The following ZNF567 variants were observed in gnomAD, a reference collection of about 807,000 sequenced individuals.
ZNF567 encodes the protein zinc finger protein 567.
ZNF567 carries 36 observed loss-of-function variants against 53.9 expected under a neutral mutation model. The ratio of observed to expected loss-of-function variants is 0.67; its 90% CI spans 0.51 to 0.88. ZNF567 has a LOEUF of 0.88. Ranked by LOEUF, ZNF567 falls within the 40% of genes least tolerant of loss-of-function variation. The pLI is 0.00. For missense variants in ZNF567, 619 were observed against 764.7 expected, an observed-to-expected ratio of 0.81 and a Z score of 2.25; for synonymous variants, 224 against 260.4, an observed-to-expected ratio of 0.86 and a Z score of 1.35.
At chr19:36,680,287 A>C in the ZNF567 span, among the ~76,000 whole-genome samples, 1 of 152,206 alleles carries the variant, frequency 6.6e-6, no homozygotes, top group African/African-American at 2.4e-5. Flanking sequence ...CTGAGTATTA[A>C]AAAACAGAAT....
intron 1 of ZNF567, among the ~76,000 whole-genome samples, chr19:36,688,059 A>G (rs942735624): frequency 1.3e-5 from 2 of 151,954 alleles, no homozygotes; most frequent in African/African-American, 4.8e-5. Context: ...TATGAAAGTG[A>G]TAGGGTCCCT....
rs1173424920 is a variant in ZNF567 at position 36,720,287 on chromosome 19, T to C, written c.1563T>C (p.Asn521=). The part of the protein sequence containing the change: ...GKSFSQKTNL[N]LHQRIHTGEK... ...CATTCAGTCAAAAGACAAATCTCAA[T>C]CTACATCAGAGAATTCATACAGGGG... is the stretch of plus-strand genomic sequence containing the variant. The change falls in exon 6 of 6, where the codon AAT becomes AAC. Residue 521 remains asparagine, a synonymous_variant. Transcript: ENST00000682579. 6.2e-7 allele frequency: 1 copy of C among 1,613,908 alleles called. No individual in the cohort carries two copies. The highest frequency in any genetic ancestry group is 1.7e-5 in the Admixed American group (1 of 59,974).
upstream of ZNF567, chr19:36,687,599 A>C (rs780955065): frequency 6.6e-6 from 1 of 152,360 alleles, no homozygotes; most frequent in Non-Finnish European, 1.5e-5. Context: ...TCCGCGTGGG[A>C]GTGCGCATGC....
intron 3 of ZNF567, among the ~76,000 whole-genome samples, chr19:36,697,918 CTTTTTT>C (rs71171464): frequency 7.4e-6 from 1 of 135,746 alleles, no homozygotes; most frequent in Non-Finnish European, 1.6e-5. Context: ...GCTGGAATTT[CTTTTTT>C]TTTTTTTTTT....
At position 36,719,191 on chromosome 19, in the gene ZNF567, G is replaced by A; in HGVS notation, c.467G>A (p.Arg156Lys). 3.1e-6 allele frequency: 5 copies of A among 1,613,478 alleles called. No homozygotes were observed. The highest frequency in any genetic ancestry group is 4.2e-6 in the Non-Finnish European group (5 of 1,179,854). ...ELIISNLNPA[R>K]KRLSEYNGYG... ...ATCATCAGTAATCTAAATCCTGCAA[G>A]AAAGAGACTTAGTGAGTATAATGGA... The change falls in exon 6 of 6, where the codon AGA (arginine) becomes AAA (lysine). Residue 156 changes from arginine (R) to lysine (K), a missense_variant. By Grantham distance (26) the Arg-to-Lys change is conservative. Coordinates refer to ENST00000682579, the MANE Select transcript of ZNF567 (RefSeq NM_001322917.1).
upstream of ZNF567, among the ~76,000 whole-genome samples, chr19:36,684,721 G>T (rs3108557): frequency 2.0e-5 from 3 of 152,142 alleles, no homozygotes; most frequent in Non-Finnish European, 2.9e-5. Context: ...CATAGGCAAA[G>T]AAATGGAATT....
intron 3 of ZNF567, among the ~76,000 whole-genome samples, chr19:36,697,409 A>T (rs1460751358): frequency 1.3e-5 from 2 of 151,838 alleles, no homozygotes; most frequent in Non-Finnish European, 2.9e-5. Flanking sequence ...CAATCCTGTC[A>T]TATGTGAATA....
At chr19:36,709,887 T>C (rs1486686916) in intron 3 of ZNF567, among the ~76,000 whole-genome samples, 2 of 152,234 alleles carry the variant, frequency 1.3e-5, no homozygotes, top group Non-Finnish European at 2.9e-5. Flanking sequence ...CTTGGCTGTG[T>C]AGCAGTTTAA....
chr19:36,706,464 T>G (rs1307218960), intron 3 of ZNF567, among the ~76,000 whole-genome samples: 1 of 152,030 alleles, frequency 6.6e-6, no homozygotes, highest in African/African-American at 2.4e-5. Flanking sequence ...CAGCTAATTT[T>G]TCTGTTTTTT....
chr19:36,703,152 C>A (rs1295851427), intron 3 of ZNF567, among the ~76,000 whole-genome samples: 1 of 152,062 alleles, frequency 6.6e-6, no homozygotes, highest in Non-Finnish European at 1.5e-5. Context: ...CAGACAGGAC[C>A]CTCAGCTGCA....
chr19:36,727,010 C>CTTTCTTTCGTTCTTTCTTTCCTTTT (rs1555809300), downstream of ZNF567: 1 of 123,888 alleles, frequency 8.1e-6, no homozygotes, highest in African/African-American at 3.1e-5. Flanking sequence ...TTCTTTCTTT[C>CTTTCTTTCGTTCTTTCTTTCCTTTT]CTTTTTTTTT....
At chr19:36,669,594 C>A in the ZNF567 span, among the ~76,000 whole-genome samples, 6 of 152,092 alleles carry the variant, frequency 3.9e-5, no homozygotes, top group African/African-American at 1.4e-4. Context: ...AAAAAGCAGT[C>A]CGATGTAACC....
At chr19:36,725,471 G>A (rs1158980124), downstream of ZNF567, among the ~76,000 whole-genome samples, 1 of 152,156 alleles carries the variant, frequency 6.6e-6, no homozygotes, top group African/African-American at 2.4e-5. Flanking sequence ...CCAAAGTGCT[G>A]GGATCACAGG....
At chr19:36,702,344 G>A (rs2039240832) in intron 3 of ZNF567, among the ~76,000 whole-genome samples, 1 of 151,918 alleles carries the variant, frequency 6.6e-6, no homozygotes, top group African/African-American at 2.4e-5. Context: ...CTTTCTCTCT[G>A]GCTGCCCTTA....
At chr19:36,695,696 T>TAAA (rs35481709) in intron 3 of ZNF567, among the ~76,000 whole-genome samples, 2 of 144,912 alleles carry the variant, frequency 1.4e-5, no homozygotes, top group African/African-American at 5.1e-5. Flanking sequence ...CTCTCTTTAT[T>TAAA]AAAAAAAAAA....
intron 3 of ZNF567, among the ~76,000 whole-genome samples, chr19:36,709,218 T>C (rs1051068947): frequency 1.1e-4 from 17 of 152,188 alleles, no homozygotes; most frequent in Non-Finnish European, 2.1e-4. Context: ...CCTGACACAC[T>C]AAAACTTCAT....
rs556947771 is a variant in ZNF567 at position 36,713,458 on chromosome 19, A to T, written c.223+591A>T. On this transcript the variant is annotated intron_variant, in intron 5 of 5. Coordinates refer to ENST00000682579, the MANE Select transcript of ZNF567 (RefSeq NM_001322917.1). ...CAGAGCAAGAGCCTGTCTCAAAAAA[A>T]AAAAAGCCAGGAATGATGGCATACA... Among the ~76,000 whole-genome samples the T allele has an allele frequency of 4.6e-5, 7 of 151,976 alleles. No homozygotes were observed. In the South Asian group the frequency reaches 1.2e-3, roughly 27 times the overall value.
chr19:36,706,675 T>C (rs1385216125), intron 3 of ZNF567, among the ~76,000 whole-genome samples: 2 of 122,406 alleles, frequency 1.6e-5, no homozygotes, highest in Non-Finnish European at 3.5e-5. Flanking sequence ...GTTGGTTTTT[T>C]TTTTTGTTTT....
chr19:36,671,674 T>G, the ZNF567 span, among the ~76,000 whole-genome samples: 1 of 152,228 alleles, frequency 6.6e-6, no homozygotes, highest in African/African-American at 2.4e-5. Context: ...CTGAGGATTT[T>G]GGAGCAAAGC....
Sources: allele counts gnomAD v4.1 joint callset (sites outside exome capture counted in the v4.1 genomes callset), GRCh38; gene constraint gnomAD v4.1.1; transcripts MANE v1.5; gene names NCBI Gene and HGNC (gene_info 2026-07-23, HGNC 2026-07-21).